Variants in GDAP2 observed in about 807,000 individuals in gnomAD.
The protein encoded by GDAP2 is ganglioside induced differentiation associated protein 2.
Under a neutral mutation model 67.0 loss-of-function variants are expected in GDAP2, and 51 were observed. The observed-to-expected ratio is 0.76, with a 90% confidence interval of 0.61 to 0.96. The LOEUF is 0.96. Among genes scored for constraint, GDAP2 ranks in the 40% least tolerant of loss-of-function variants. The pLI is 0.00. For synonymous variants in GDAP2, 203 were observed against 207.3 expected, an observed-to-expected ratio of 0.98 and a Z score of 0.18; for missense variants, 547 against 588.3, an observed-to-expected ratio of 0.93 and a Z score of 0.73.
intron 6 of GDAP2, among the ~76,000 whole-genome samples, chr1:117,900,120 C>A (rs555213026): frequency 6.6e-6 from 1 of 151,880 alleles, no homozygotes; most frequent in African/African-American, 2.4e-5. Context: ...TAAAATTCAC[C>A]CTTTTAAAGT....
chr1:117,915,384 C>G (rs1162361436), intron 3 of GDAP2, among the ~76,000 whole-genome samples: 2 of 152,150 alleles, frequency 1.3e-5, no homozygotes, highest in Admixed American at 6.5e-5. Context: ...ACCACACACA[C>G]AGAGACAAAT....
In GDAP2 at chr1:117,877,063, C is replaced by T. The variant is rs533571606; in HGVS notation, c.1446+946G>A. On this transcript the variant is annotated intron_variant, in intron 13 of 13. Transcript: ENST00000369443. ...ACTCTTTTCTCTTTCCTATATTCAA[C>T]AATTTTTGTATCTATGATCCAGCTG... is the stretch of plus-strand genomic sequence containing the variant. Among the ~76,000 whole-genome samples, 16 of 152,294 alleles carry T rather than the reference C, an allele frequency of 1.1e-4. 1 individual carries two copies. The South Asian group carries it at 2.7e-3, about 26-fold the overall frequency.
chr1:117,878,229 A>T, intron 12 of GDAP2, 77 bp from the exon 13 acceptor site: 1 of 703,038 alleles, frequency 1.4e-6, no homozygotes, highest in East Asian at 2.8e-5. Context: ...GAAAATTTAT[A>T]GTAGATAAAA....
chr1:117,877,203 G>A (rs1057257296), intron 13 of GDAP2: 19 of 745,860 alleles, frequency 2.5e-5, no homozygotes, highest in Non-Finnish European at 3.1e-5. Context: ...GCTAAAGTTA[G>A]AGAAATGTTA....
intron 8 of GDAP2, among the ~76,000 whole-genome samples, chr1:117,890,213 G>A (rs1273444242): frequency 1.3e-5 from 2 of 151,998 alleles, no homozygotes; most frequent in East Asian, 1.9e-4. Flanking sequence ...GGAGCAGAGT[G>A]GAGGCAAATT....
intron 3 of GDAP2, 99 bp downstream of exon 3, chr1:117,918,498 A>AC: frequency 1.2e-6 from 1 of 808,656 alleles, no homozygotes; most frequent in Non-Finnish European, 2.0e-6. Context: ...AAAAACAGCT[A>AC]CATCTACAAA....
intron 6 of GDAP2, among the ~76,000 whole-genome samples, chr1:117,899,583 C>T (rs1429229045): frequency 1.3e-5 from 2 of 152,028 alleles, no homozygotes; most frequent in African/African-American, 4.8e-5. Context: ...CATCAGGGTC[C>T]GTTCAACCAT....
chr1:117,885,352 C>A (rs992953286), intron 10 of GDAP2, among the ~76,000 whole-genome samples: 17 of 151,960 alleles, frequency 1.1e-4, no homozygotes, highest in African/African-American at 3.9e-4. Flanking sequence ...ATGTGAAAGA[C>A]AAATTCTCCC....
Position 117,894,362 on chromosome 1 carries a change from CATT to C in GDAP2, c.953+2468_953+2470del, listed in dbSNP as rs113208628. 2.8e-4 allele frequency among the ~76,000 whole-genome samples: 42 copies of C among 152,192 alleles called. No individual in the cohort carries two copies. The East Asian group carries it at 3.7e-3, about 13-fold the overall frequency. On this transcript the variant is annotated intron_variant, in intron 8 of 13. Coordinates refer to ENST00000369443, the MANE Select transcript of GDAP2 (RefSeq NM_017686.4). ...AAGTTTAAAACTATTTTTGTAATAA[CATT>C]ATTTGCATTTTTCACTGCATAGACA...
chr1:117,919,516 A>T (rs1265810021), intron 2 of GDAP2, among the ~76,000 whole-genome samples: 1 of 152,228 alleles, frequency 6.6e-6, no homozygotes, highest in African/African-American at 2.4e-5. Flanking sequence ...ATCTGTAGAG[A>T]CAAGAAAGTA....
Position 117,873,739 on chromosome 1 carries a change from T to A in GDAP2, c.1447-3123A>T, listed in dbSNP as rs1029173872. ...GCTTCTCTGTGGTGGTAGCAACATA[T>A]CCACCAAGTCTCCCAAAGCAGAAAC... On this transcript the variant is annotated intron_variant, in intron 13 of 13. Transcript: ENST00000369443. Among the ~76,000 whole-genome samples the A allele has an allele frequency of 3.9e-5, 6 of 152,296 alleles. 1 individual carries two copies. The highest frequency in any genetic ancestry group is 6.8e-3 in the Middle Eastern group (2 of 294).
chr1:117,912,899 G>T (rs566742608), intron 3 of GDAP2, among the ~76,000 whole-genome samples: 48 of 152,302 alleles, frequency 3.2e-4, no homozygotes, highest in African/African-American at 1.1e-3. Flanking sequence ...AAGAGAATGA[G>T]AAAGACCATG....
chr1:117,920,574 C>A, intron 1 of GDAP2, 150 bp from the exon 2 acceptor site: 1 of 374,248 alleles, frequency 2.7e-6, no homozygotes, highest in South Asian at 1.2e-4. Context: ...AAACAATGGA[C>A]AACAAAGAAT....
intron 8 of GDAP2, among the ~76,000 whole-genome samples, chr1:117,895,943 T>A (rs1371060261): frequency 6.6e-6 from 1 of 152,196 alleles, no homozygotes; most frequent in African/African-American, 2.4e-5. Context: ...GGAGGTGGCA[T>A]CTGTTCCAGA....
intron 13 of GDAP2, among the ~76,000 whole-genome samples, chr1:117,872,304 C>G (rs1313430204): frequency 1.3e-5 from 2 of 152,044 alleles, no homozygotes; most frequent in Non-Finnish European, 2.9e-5. Flanking sequence ...GATTTAGAAC[C>G]ACAAATACCA....
chr1:117,921,609 TGGTA>T (rs1447907254), intron 1 of GDAP2, among the ~76,000 whole-genome samples: 5 of 151,804 alleles, frequency 3.3e-5, no homozygotes, highest in Admixed American at 2.0e-4. Context: ...AGGTAATGAG[TGGTA>T]GGTGATGAGG....
Position 117,866,195 on chromosome 1 carries a change from G to A in GDAP2, c.*4374C>T, listed in dbSNP as rs1365524302. The A allele has an allele frequency of 6.6e-6, 1 of 152,148 alleles. No homozygotes were observed. The highest frequency in any genetic ancestry group is 1.5e-5 in the Non-Finnish European group (1 of 68,028). The allele number at this position is 152,148 out of a possible 1,614,324, so 9.4% of individuals were successfully genotyped here. On this transcript the variant is annotated 3_prime_UTR_variant, in exon 14 of 14. Coordinates refer to ENST00000369443, the MANE Select transcript of GDAP2 (RefSeq NM_017686.4). ...TGGGTGGTAATCATGTCATGAGGGT[G>A]GAGCCCTCATGAATGAGATTAGTGC...
intron 13 of GDAP2, among the ~76,000 whole-genome samples, chr1:117,874,719 T>C (rs943214925): frequency 1.3e-5 from 2 of 152,190 alleles, no homozygotes; most frequent in Non-Finnish European, 2.9e-5. Flanking sequence ...TTGAAACTTC[T>C]TAGAGATTGG....
At chr1:117,879,657 T>G (rs1204473338) in intron 12 of GDAP2, among the ~76,000 whole-genome samples, 1 of 152,122 alleles carries the variant, frequency 6.6e-6, no homozygotes, top group Non-Finnish European at 1.5e-5. Context: ...AGCAAACAAA[T>G]TATACTACTT....
Sources: gnomAD v4.1 joint callset for allele counts (sites outside exome capture counted in the v4.1 genomes callset) on GRCh38, gnomAD v4.1.1 for gene constraint, MANE v1.5 for transcripts, NCBI Gene and HGNC (gene_info 2026-07-23, HGNC 2026-07-21) for gene names.